Variants in FAM184B observed in about 807,000 individuals in gnomAD.
FAM184B encodes the protein protein FAM184B.
Under a neutral mutation model 135.9 loss-of-function variants are expected in FAM184B, and 111 were observed. The ratio of observed to expected loss-of-function variants is 0.82; its 90% CI spans 0.70 to 0.96. FAM184B has a LOEUF of 0.96. FAM184B is among the 40% of genes least tolerant of loss of function. The pLI is 0.00. For synonymous variants in FAM184B, 552 were observed against 524.8 expected, an observed-to-expected ratio of 1.05 and a Z score of -0.71; for missense variants, 1,375 against 1,323.9, an observed-to-expected ratio of 1.04 and a Z score of -0.60.
intron 2 of FAM184B, among the ~76,000 whole-genome samples, 168 bp downstream of exon 2, chr4:17,708,714 CTGTGTGTGTG>C (rs71167327): frequency 3.5e-5 from 2 of 57,080 alleles, no homozygotes; most frequent in South Asian, 7.2e-4. Flanking sequence ...TATATAGTGT[CTGTGTGTGTG>C]TGTGTGTGTG....
In FAM184B at chr4:17,693,379, TC is replaced by T; in HGVS notation, c.1410del (p.Lys471AsnfsTer6). On this transcript the variant is annotated frameshift_variant, in exon 6 of 18. Coordinates refer to ENST00000265018, the MANE Select transcript of FAM184B (RefSeq NM_015688.2). LOFTEE classifies it high-confidence loss of function. ...EVEAQLEEVR[K>X]KSEKEIKQLE... ...AGCTGCTTTATCTCCTTTTCTGATT[TC>T]TTCCTCACTTCCTCCAACTGTGCTT... The T allele has an allele frequency of 6.4e-7, 1 of 1,551,770 alleles. No individual in the cohort carries two copies.
intron 1 of FAM184B, among the ~76,000 whole-genome samples, chr4:17,774,533 G>T (rs1361281205): frequency 6.6e-6 from 1 of 152,210 alleles, no homozygotes; most frequent in East Asian, 1.9e-4. Flanking sequence ...ATTTACTGGG[G>T]AATGGATCTA....
intron 1 of FAM184B, among the ~76,000 whole-genome samples, chr4:17,723,964 T>C (rs2108973807): frequency 6.6e-6 from 1 of 152,216 alleles, no homozygotes; most frequent in Admixed American, 6.5e-5. Flanking sequence ...GCAGCAAGAC[T>C]CTCTTAAACA....
chr4:17,777,882 G>C lies in FAM184B; in HGVS notation c.141+3277C>G, dbSNP rs141514967. On this transcript the variant is annotated intron_variant, in intron 1 of 17. Transcript: ENST00000265018. ...GGAAGCCAAGGCGGGAGGATTGCTT[G>C]AGCTCAGGAGTCTGAGATCAGCCTG... Among the ~76,000 whole-genome samples, 833 of 152,272 alleles carry C rather than the reference G, an allele frequency of 5.5e-3. 6 individuals carry two copies. Among genetic ancestry groups the C allele is most frequent in the African/African-American group, 0.019 (800 of 41,548 alleles).
intron 7 of FAM184B, among the ~76,000 whole-genome samples, chr4:17,676,886 G>A (rs1054217496): frequency 4.6e-5 from 7 of 152,060 alleles, no homozygotes; most frequent in Non-Finnish European, 8.8e-5. Flanking sequence ...GGTGTATAGT[G>A]GGCTACACAA....
chr4:17,643,008 C>G (rs970289220), intron 12 of FAM184B, among the ~76,000 whole-genome samples: 1 of 152,242 alleles, frequency 6.6e-6, no homozygotes, highest in East Asian at 1.9e-4. Context: ...TGGCCCAGGC[C>G]CCATGTCTCT....
intron 1 of FAM184B, among the ~76,000 whole-genome samples, chr4:17,715,716 C>T (rs2108969593): frequency 6.6e-6 from 1 of 152,194 alleles, no homozygotes; most frequent in Admixed American, 6.5e-5. Flanking sequence ...TACTCCATCA[C>T]ATTTGCATAC....
intron 11 of FAM184B, among the ~76,000 whole-genome samples, chr4:17,652,468 G>T (rs1014929998): frequency 6.6e-6 from 1 of 152,190 alleles, no homozygotes; most frequent in African/African-American, 2.4e-5. Flanking sequence ...AGCCTATGAG[G>T]TAGGGACAAC....
intron 14 of FAM184B, among the ~76,000 whole-genome samples, chr4:17,638,023 C>T (rs866226978): frequency 3.3e-5 from 5 of 151,866 alleles, no homozygotes; most frequent in Admixed American, 2.0e-4. Context: ...GTGCCCTCAC[C>T]TCCTTGTACT....
Position 17,743,628 on chromosome 4 carries a change from C to T in FAM184B, c.142-33984G>A, listed in dbSNP as rs529803329. 5.6e-4 allele frequency among the ~76,000 whole-genome samples: 86 copies of T among 152,242 alleles called. 1 individual carries two copies. The South Asian group carries it at 0.01, about 18-fold the overall frequency. On this transcript the variant is annotated intron_variant, in intron 1 of 17. Coordinates refer to ENST00000265018, the MANE Select transcript of FAM184B (RefSeq NM_015688.2). ...CCTCATCCAAATGTGCTTTTAAATT[C>T]TTTCATCACACTATTCAACAACAGA...
At chr4:17,768,128 T>C (rs940650726) in intron 1 of FAM184B, among the ~76,000 whole-genome samples, 11 of 152,256 alleles carry the variant, frequency 7.2e-5, no homozygotes, top group African/African-American at 2.7e-4. Context: ...TGTTCAAGTA[T>C]TTACAGTTTC....
chr4:17,682,939 C>A (rs1205507607), intron 7 of FAM184B, among the ~76,000 whole-genome samples: 2 of 152,200 alleles, frequency 1.3e-5, no homozygotes, highest in African/African-American at 4.8e-5. Flanking sequence ...CATTTAATAT[C>A]CTGTTCTGAT....
chr4:17,742,797 T>G (rs1718073039), intron 1 of FAM184B, among the ~76,000 whole-genome samples: 1 of 152,160 alleles, frequency 6.6e-6, no homozygotes. Flanking sequence ...TTCAAACAGT[T>G]CATGTGACCT....
chr4:17,680,527 A>C (rs1716413925), intron 7 of FAM184B, among the ~76,000 whole-genome samples: 1 of 152,178 alleles, frequency 6.6e-6, no homozygotes, highest in African/African-American at 2.4e-5. Context: ...CTCTAAATAA[A>C]ACAGACTCAG....
At chr4:17,679,602 C>G (rs1445666140) in intron 7 of FAM184B, among the ~76,000 whole-genome samples, 1 of 152,118 alleles carries the variant, frequency 6.6e-6, no homozygotes, top group African/African-American at 2.4e-5. Flanking sequence ...CTATGAAAAA[C>G]AGTATGTAAA....
chr4:17,675,540 G>A (rs2872959), intron 7 of FAM184B, among the ~76,000 whole-genome samples: 57,681 of 152,042 alleles, frequency 0.38, 11,601 homozygotes, highest in African/African-American at 0.46. Context: ...ATCTCCTAAC[G>A]AGAGAGTCAG....
chr4:17,663,630 A>ACC (rs1715971319), intron 8 of FAM184B, among the ~76,000 whole-genome samples: 1 of 151,730 alleles, frequency 6.6e-6, no homozygotes, highest in African/African-American at 2.4e-5. Flanking sequence ...ACACACACAC[A>ACC]CACACACACA....
chr4:17,747,606 T>C (rs957817469), intron 1 of FAM184B, among the ~76,000 whole-genome samples: 4 of 151,734 alleles, frequency 2.6e-5, no homozygotes, highest in Non-Finnish European at 5.9e-5. Flanking sequence ...AGCTGGGCCA[T>C]CGTGGTGAAA....
chr4:17,650,170 C>T (rs928479024), intron 11 of FAM184B, among the ~76,000 whole-genome samples: 3 of 151,380 alleles, frequency 2.0e-5, no homozygotes, highest in African/African-American at 4.9e-5. Flanking sequence ...CCACCCACAC[C>T]CCCATCCACT....
Sources: allele counts gnomAD v4.1 joint callset (sites outside exome capture counted in the v4.1 genomes callset), GRCh38; gene constraint gnomAD v4.1.1; transcripts MANE v1.5; gene names NCBI Gene and HGNC (gene_info 2026-07-23, HGNC 2026-07-21).